The following DPY30 variants were observed in gnomAD, a reference collection of about 807,000 sequenced individuals.
DPY30 encodes protein dpy-30 homolog.
DPY30 carries 6 observed loss-of-function variants against 16.2 expected under a neutral mutation model. The observed-to-expected ratio is 0.37, with a 90% CI of 0.20 to 0.73. DPY30 has a LOEUF of 0.73. Ranked by LOEUF, DPY30 falls within the 30% of genes least tolerant of loss-of-function variation. The pLI is 0.51. For missense variants in DPY30, 73 were observed against 113.1 expected (o/e 0.65, Z 1.61); for synonymous variants, 39 against 38.8 (o/e 1.00, Z -0.02).
chr2:32,034,578 T>TG (rs1675666142), intron 3 of DPY30, among the ~76,000 whole-genome samples: 1 of 152,146 alleles, frequency 6.6e-6, no homozygotes, highest in African/African-American at 2.4e-5. Flanking sequence ...CCTCCAACAC[T>TG]GGGGGTCACA....
chr2:32,039,429 G>C lies in DPY30; in HGVS notation c.28C>G (p.Gln10Glu). ...CCACGGCCTCCTGATACCTGCGTTTGTCCCTCCAGCATCTGCTCTGGCTCC... is the reference window on the plus strand; with the variant it reads ...CCACGGCCTCCTGATACCTGCGTTTCTCCCTCCAGCATCTGCTCTGGCTCC... MEPEQMLEGQTQVAENPHSE... is the reference protein window; with the variant it reads MEPEQMLEGETQVAENPHSE... The change falls in exon 2 of 5, where the codon CAA becomes GAA. Residue 10 changes from glutamine to glutamate, a missense_variant. Physicochemically the swap from Gln to Glu is conservative, Grantham distance 29. Coordinates refer to ENST00000342166, the MANE Select transcript of DPY30 (RefSeq NM_001321209.2). 1 of 1,614,086 alleles carries C rather than the reference G, an allele frequency of 6.2e-7. No homozygotes were observed. Among genetic ancestry groups the C allele is most frequent in the South Asian group, 1.1e-5 (1 of 91,072 alleles).
chr2:32,021,647 C>G (rs970126885), downstream of DPY30, among the ~76,000 whole-genome samples: 1 of 151,250 alleles, frequency 6.6e-6, no homozygotes, highest in Non-Finnish European at 1.5e-5. Context: ...CCACTGCACT[C>G]CAGCCTGGGC....
At chr2:32,021,448 C>G (rs1340410832), downstream of DPY30, among the ~76,000 whole-genome samples, 2 of 151,846 alleles carry the variant, frequency 1.3e-5, no homozygotes, top group Non-Finnish European at 2.9e-5. Context: ...GAGGCTGAGG[C>G]GGGTGGATCA....
chr2:32,015,558 A>T (rs1466590882), intron 5 of DPY30, among the ~76,000 whole-genome samples: 2 of 152,120 alleles, frequency 1.3e-5, no homozygotes, highest in Non-Finnish European at 2.9e-5. Flanking sequence ...GAGTCAAAAG[A>T]TATAAGGAGC....
At chr2:32,027,360 T>C (rs1192611824) in intron 4 of DPY30, among the ~76,000 whole-genome samples, 1 of 149,692 alleles carries the variant, frequency 6.7e-6, no homozygotes, top group Non-Finnish European at 1.5e-5. Context: ...TGAAACCCCA[T>C]CTCTACTAAA....
intron 4 of DPY30, among the ~76,000 whole-genome samples, chr2:32,027,698 G>A (rs1443336131): frequency 1.7e-4 from 23 of 137,416 alleles, no homozygotes; most frequent in Admixed American, 9.4e-4. Flanking sequence ...GCGCAATCTC[G>A]GCTCACTGCA....
downstream of DPY30, among the ~76,000 whole-genome samples, chr2:32,022,187 G>A (rs1675199823): frequency 6.7e-6 from 1 of 148,958 alleles, no homozygotes; most frequent in Non-Finnish European, 1.5e-5. Flanking sequence ...TCCAGCCTGA[G>A]TGACAGAGCG....
Position 32,031,616 on chromosome 2 carries a change from C to T in DPY30, c.85-1880G>A, listed in dbSNP as rs561583453. Among the ~76,000 whole-genome samples the T allele has an allele frequency of 4.7e-5, 7 of 148,336 alleles. No homozygotes were observed. In the East Asian group the frequency reaches 8.2e-4, roughly 17 times the overall value. On this transcript the variant is annotated intron_variant, in intron 3 of 4. Transcript: ENST00000342166. ...CGTCTCAAAACGAAAAAACAAAGGC[C>T]GGGCACGGTGGCTCACACCTGTAAT...
In DPY30 at chr2:32,038,135, CT is replaced by C. The variant is rs35016868; in HGVS notation, c.84+1143del. ...TTAACTTGTATTGCTCATTTTCTTT[CT>C]TTTTTTTTTTTTTTTTTTGGACAAA... On this transcript the variant is annotated intron_variant, in intron 3 of 4. Transcript: ENST00000342166. 5.0e-3 allele frequency among the ~76,000 whole-genome samples: 545 copies of C among 108,014 alleles called. 1 individual carries two copies. Among genetic ancestry groups the C allele is most frequent in the Admixed American group, 8.8e-3 (88 of 10,052 alleles). The allele number at this position is 108,014 out of a possible 152,430, so 70.9% of individuals were successfully genotyped here. A position where few individuals can be genotyped will look rare whatever the true frequency, so the allele number is the denominator to read the frequency against.
downstream of DPY30, among the ~76,000 whole-genome samples, chr2:32,023,136 T>A (rs915590526): frequency 6.6e-6 from 1 of 151,012 alleles, no homozygotes; most frequent in South Asian, 2.1e-4. Flanking sequence ...TTATTCCAGT[T>A]GTGACAACCA....
chr2:32,013,394 T>A (rs1395300875), intron 5 of DPY30: 1 of 152,224 alleles, frequency 6.6e-6, no homozygotes. Context: ...ATGTTATCTC[T>A]AGGATGCTCT....
At chr2:32,013,031 G>A (rs1303263805) in intron 5 of DPY30, 1 of 152,184 alleles carries the variant, frequency 6.6e-6, no homozygotes, top group Non-Finnish European at 1.5e-5. Context: ...TAGAAAGTCA[G>A]ATTTGAGTCC....
chr2:32,024,100 A>G lies in DPY30; in HGVS notation c.*84T>C. The G allele has an allele frequency of 1.9e-6, 3 of 1,548,276 alleles. No homozygotes were observed. Among genetic ancestry groups the G allele is most frequent in the South Asian group, 1.2e-5 (1 of 82,704 alleles). On this transcript the variant is annotated 3_prime_UTR_variant, in exon 5 of 5. Transcript: ENST00000342166. ...GGAAGGTTCTTATACATCCAAAAAG[A>G]GGGAATGATCATGGCAATTAAAGCT...
chr2:32,037,669 T>C (rs1675796035), intron 3 of DPY30, among the ~76,000 whole-genome samples: 1 of 151,946 alleles, frequency 6.6e-6, no homozygotes, highest in South Asian at 2.1e-4. Context: ...GCAATTCTCC[T>C]GCCTCAGCCT....
intron 4 of DPY30, among the ~76,000 whole-genome samples, chr2:32,028,567 C>A (rs1675417717): frequency 6.6e-6 from 1 of 152,078 alleles, no homozygotes; most frequent in African/African-American, 2.4e-5. Flanking sequence ...CTTTGGGAGG[C>A]CGAGATGGGC....
At chr2:32,021,532 G>C (rs553142855), downstream of DPY30, among the ~76,000 whole-genome samples, 180 of 151,862 alleles carry the variant, frequency 1.2e-3, no homozygotes, top group African/African-American at 4.2e-3. Context: ...ACAAAAATTA[G>C]CCAGGTATGG....
chr2:32,039,592 C>T (rs1675887516), intron 1 of DPY30, 100 bp from the exon 2 acceptor site: 2 of 1,195,840 alleles, frequency 1.7e-6, no homozygotes, highest in East Asian at 2.5e-5. Flanking sequence ...CTCACCCCCA[C>T]CTGGGCGCGG....
At chr2:32,031,623 G>A (rs550630433) in intron 3 of DPY30, among the ~76,000 whole-genome samples, 13 of 149,844 alleles carry the variant, frequency 8.7e-5, no homozygotes, top group Non-Finnish European at 1.3e-4. Flanking sequence ...GGCCGGGCAC[G>A]GTGGCTCACA....
At chr2:32,015,508 A>G (rs1253859026) in intron 5 of DPY30, among the ~76,000 whole-genome samples, 5 of 152,102 alleles carry the variant, frequency 3.3e-5, no homozygotes, top group Admixed American at 2.6e-4. Context: ...GCTTTTTTCC[A>G]TATTTATTAA....
Sources: allele counts gnomAD v4.1 joint callset (sites outside exome capture counted in the v4.1 genomes callset), GRCh38; gene constraint gnomAD v4.1.1; transcripts MANE v1.5; gene names NCBI Gene and HGNC (gene_info 2026-07-23, HGNC 2026-07-21).